PDE7A: variants seen among roughly 807,000 people sequenced by gnomAD.
PDE7A encodes phosphodiesterase 7A, also known as high affinity 3',5'-cyclic-AMP phosphodiesterase 7A.
PDE7A carries 39 observed loss-of-function variants against 64.3 expected under a neutral mutation model. The observed-to-expected ratio is 0.61, with a 90% CI of 0.47 to 0.79. PDE7A has a LOEUF of 0.79. PDE7A is among the 30% of genes least tolerant of loss of function. The probability of loss-of-function intolerance (pLI) is 0.00; values close to 1 mark genes in which losing one functional copy is unlikely to be tolerated. For synonymous variants in PDE7A, 203 were observed against 206.8 expected, an observed-to-expected ratio of 0.98 and a Z score of 0.16; for missense variants, 470 against 582.8, an observed-to-expected ratio of 0.81 and a Z score of 1.99.
At chr8:65,840,741 T>C (rs1391811541) in intron 1 of PDE7A, among the ~76,000 whole-genome samples, 1 of 152,248 alleles carries the variant, frequency 6.6e-6, no homozygotes, top group Non-Finnish European at 1.5e-5. Context: ...CATCAGTAGT[T>C]TCTCTCCTAA....
At chr8:65,789,004 T>C (rs1585919708) in intron 1 of PDE7A, 1 of 1,596,180 alleles carries the variant, frequency 6.3e-7, no homozygotes, top group Non-Finnish European at 8.6e-7. Flanking sequence ...GAAAACTTCT[T>C]AGGAGTCTGA....
intron 7 of PDE7A, among the ~76,000 whole-genome samples, chr8:65,730,476 A>C (rs2128895237): frequency 1.3e-5 from 2 of 152,040 alleles, no homozygotes; most frequent in South Asian, 4.2e-4. Flanking sequence ...CACCAAGCCC[A>C]GCCAGCACAC....
At chr8:65,796,598 A>G (rs1195960924) in intron 1 of PDE7A, among the ~76,000 whole-genome samples, 1 of 152,182 alleles carries the variant, frequency 6.6e-6, no homozygotes, top group Admixed American at 6.5e-5. Context: ...GAAAAATCAT[A>G]CAATCAGTTC....
intron 1 of PDE7A, among the ~76,000 whole-genome samples, chr8:65,791,386 T>G (rs1245905677): frequency 6.6e-6 from 1 of 152,212 alleles, no homozygotes; most frequent in Non-Finnish European, 1.5e-5. Context: ...CGTAGTGGAC[T>G]CTCAACAAAT....
rs749771899 is a variant in PDE7A, at chr8:65,719,267, G to A, written c.*23C>T. 2.4e-5 allele frequency: 38 copies of A among 1,565,094 alleles called. No homozygotes were observed. The highest frequency in any genetic ancestry group is 3.1e-5 in the Non-Finnish European group (35 of 1,135,444). ...CATTTCTAAAAACCTCCAGGAGGCA[G>A]TTTGTCCCACTGGTTCTGGGGGTTA... On this transcript the variant is annotated 3_prime_UTR_variant, in exon 13 of 13. Coordinates refer to ENST00000401827, the MANE Select transcript of PDE7A (RefSeq NM_001242318.3).
intron 1 of PDE7A, among the ~76,000 whole-genome samples, chr8:65,810,897 A>G (rs988196638): frequency 6.6e-6 from 1 of 152,216 alleles, no homozygotes. Context: ...TAAACTTAAT[A>G]TACAACTGAT....
intron 1 of PDE7A, among the ~76,000 whole-genome samples, chr8:65,822,513 G>A (rs1810566551): frequency 6.6e-6 from 1 of 152,112 alleles, no homozygotes; most frequent in African/African-American, 2.4e-5. Context: ...ATATCTACTT[G>A]GTGTGAAGCA....
chr8:65,803,452 C>T (rs73242920), intron 1 of PDE7A, among the ~76,000 whole-genome samples: 10,164 of 152,272 alleles, frequency 0.067, 578 homozygotes, highest in African/African-American at 0.15. Context: ...AATTTTCAGT[C>T]AGCTGCATCA....
At chr8:65,790,422 C>G (rs1290568091) in intron 1 of PDE7A, among the ~76,000 whole-genome samples, 2 of 152,140 alleles carry the variant, frequency 1.3e-5, no homozygotes, top group Admixed American at 1.3e-4. Context: ...CATGGGCTGA[C>G]TGAAGAACAC....
chr8:65,754,244 C>G (rs1808108952), intron 3 of PDE7A, among the ~76,000 whole-genome samples: 1 of 151,576 alleles, frequency 6.6e-6, no homozygotes, highest in Non-Finnish European at 1.5e-5. Flanking sequence ...TTAGATGGTG[C>G]CCCCCCGCCC....
At chr8:65,814,462 G>GATCCCGCC (rs1276514781) in intron 1 of PDE7A, among the ~76,000 whole-genome samples, 1 of 117,748 alleles carries the variant, frequency 8.5e-6, no homozygotes, top group African/African-American at 3.2e-5. Flanking sequence ...AGTGAGCCGA[G>GATCCCGCC]ATCCCGCCAC....
intron 3 of PDE7A, among the ~76,000 whole-genome samples, chr8:65,775,889 A>G (rs1205226225): frequency 6.6e-6 from 1 of 152,140 alleles, no homozygotes; most frequent in African/African-American, 2.4e-5. Context: ...TCGGCTTTCC[A>G]AAGTGCTAGA....
chr8:65,813,879 A>C (rs1457105742), intron 1 of PDE7A, among the ~76,000 whole-genome samples: 1 of 152,156 alleles, frequency 6.6e-6, no homozygotes, highest in Non-Finnish European at 1.5e-5. Flanking sequence ...TCTCTTCTTC[A>C]ACTGTCAATA....
At chr8:65,781,439 G>C (rs974572796) in intron 2 of PDE7A, among the ~76,000 whole-genome samples, 30 of 152,276 alleles carry the variant, frequency 2.0e-4, no homozygotes, top group Non-Finnish European at 4.3e-4. Flanking sequence ...GTCTGAAAAG[G>C]TTCACTCTAG....
intron 2 of PDE7A, among the ~76,000 whole-genome samples, chr8:65,781,956 A>G (rs1809430344): frequency 6.6e-6 from 1 of 152,224 alleles, no homozygotes; most frequent in African/African-American, 2.4e-5. Context: ...ACAAGATAAA[A>G]TAAAGAGGAC....
rs181473384 is a variant in PDE7A, at chr8:65,810,987, T to G, written c.139-28144A>C. 6.6e-5 allele frequency among the ~76,000 whole-genome samples: 10 copies of G among 152,272 alleles called. No homozygotes were observed. The East Asian group carries it at 1.7e-3, about 26-fold the overall frequency. On this transcript the variant is annotated intron_variant, in intron 1 of 12. Transcript: ENST00000401827. ...AGAAAACATAATGAGGGAAAAAATT[T>G]ATATCTGCAACCAAATAAAAGTAAA...
intron 1 of PDE7A, among the ~76,000 whole-genome samples, chr8:65,790,255 A>G (rs754784019): frequency 3.1e-4 from 47 of 152,228 alleles, no homozygotes; most frequent in Non-Finnish European, 6.5e-4. Flanking sequence ...TACGAGGGCC[A>G]TGTGGGGGTG....
chr8:65,765,285 C>T (rs542121945), intron 3 of PDE7A, among the ~76,000 whole-genome samples: 8 of 151,268 alleles, frequency 5.3e-5, no homozygotes, highest in Non-Finnish European at 1.0e-4. Context: ...GTCAGGAGAT[C>T]GAGACCATCC....
At chr8:65,733,855 T>C (rs909030843) in intron 7 of PDE7A, among the ~76,000 whole-genome samples, 1 of 152,160 alleles carries the variant, frequency 6.6e-6, no homozygotes, top group Non-Finnish European at 1.5e-5. Flanking sequence ...AGTTTGGTCA[T>C]CCTGTTTCCC....
Sources: gnomAD v4.1 joint callset for allele counts (sites outside exome capture counted in the v4.1 genomes callset) on GRCh38, gnomAD v4.1.1 for gene constraint, MANE v1.5 for transcripts, NCBI Gene and HGNC (gene_info 2026-07-23, HGNC 2026-07-21) for gene names.